Variants in ZNF880 observed in about 807,000 individuals in gnomAD.
ZNF880 encodes zinc finger protein 880.
In ZNF880, 12 loss-of-function variants were observed where a neutral mutation model predicts 11.8. The observed-to-expected ratio is 1.02, with a 90% CI of 0.65 to 1.65. The LOEUF is 1.65. Ranked by LOEUF, ZNF880 falls within the 40% of genes most tolerant of loss-of-function variation. ZNF880 has a pLI of 0.00. For missense variants in ZNF880, 601 were observed against 673.9 expected, an observed-to-expected ratio of 0.89 and a Z score of 1.20; for synonymous variants, 210 against 232.4, an observed-to-expected ratio of 0.90 and a Z score of 0.88.
intron 3 of ZNF880, among the ~76,000 whole-genome samples, chr19:52,376,287 G>A (rs1986547997): frequency 1.3e-5 from 2 of 152,026 alleles, no homozygotes; most frequent in South Asian, 4.1e-4. Flanking sequence ...CACCAGCAGT[G>A]TAAAGTGGTC....
At position 52,385,373 on chromosome 19, in the gene ZNF880, A is replaced by G; in HGVS notation, c.*59A>G. 6.7e-7 allele frequency: 1 copy of G among 1,503,408 alleles called. No homozygotes were observed. The highest frequency in any genetic ancestry group is 9.0e-7 in the Non-Finnish European group (1 of 1,115,102). 93.1% of individuals were successfully genotyped at this position (1,503,408 alleles called of 1,614,324 possible). On this transcript the variant is annotated 3_prime_UTR_variant, in exon 4 of 4. Coordinates refer to ENST00000422689, the MANE Select transcript of ZNF880 (RefSeq NM_001145434.2). ...CACCTTGCACAGCATGAGATAATTC[A>G]TTCATGAGAGAGTTCTTACAAACTG...
At chr19:52,374,606 G>A in intron 3 of ZNF880, 179 bp downstream of exon 3, 1 of 826,498 alleles carries the variant, frequency 1.2e-6, no homozygotes, top group South Asian at 1.4e-5. Context: ...GAAAGTGGTG[G>A]GATTACAAGC....
Position 52,374,292 on chromosome 19 carries a change from T to G in ZNF880, c.140-7T>G. 2 of 1,611,566 alleles carry G rather than the reference T, an allele frequency of 1.2e-6. No individual in the cohort carries two copies. The highest frequency in any genetic ancestry group is 1.7e-4 in the Middle Eastern group (1 of 6,050). On this transcript the variant is annotated splice_polypyrimidine_tract_variant and splice_region_variant and intron_variant, in intron 2 of 3. Coordinates refer to ENST00000422689, the MANE Select transcript of ZNF880 (RefSeq NM_001145434.2). Reference sequence around the variant, plus strand: ...ATAGTCTTGATATTCTTTCTTTTTTTAAATAGGAATCTGTCTTCCTGACCT... The same window carrying G: ...ATAGTCTTGATATTCTTTCTTTTTTGAAATAGGAATCTGTCTTCCTGACCT...
intron 3 of ZNF880, among the ~76,000 whole-genome samples, chr19:52,378,832 C>G (rs1986628626): frequency 6.6e-6 from 1 of 151,892 alleles, no homozygotes; most frequent in Admixed American, 6.6e-5. Flanking sequence ...AATCCTAGCA[C>G]TTTGGGAGGC....
intron 1 of ZNF880, among the ~76,000 whole-genome samples, chr19:52,372,217 G>A (rs191601964): frequency 1.4e-3 from 209 of 151,554 alleles, no homozygotes; most frequent in African/African-American, 4.6e-3. Flanking sequence ...TGTATCTGAC[G>A]CTTCTATAGA....
At position 52,374,389 on chromosome 19, in the gene ZNF880, A is replaced by G; in HGVS notation, c.230A>G (p.Asn77Ser). The G allele has an allele frequency of 3.1e-6, 5 of 1,613,274 alleles. No homozygotes were observed. The highest frequency in any genetic ancestry group is 4.5e-5 in the East Asian group (2 of 44,876). The change falls in exon 3 of 4, where the codon AAT becomes AGT. Residue 77 changes from asparagine (N) to serine (S), a missense_variant. Transcript: ENST00000422689. ...CAGAGTGAAGTGAAAATAGCAAACA[A>G]TCCAGGTGGCAGGGAGTGCATCAAA... ...NLQSEVKIAN[N>S]PGGRECIKGV... is the part of the protein sequence containing the mutation.
intron 1 of ZNF880, chr19:52,370,231 A>T: frequency 1.8e-6 from 1 of 553,168 alleles, no homozygotes; most frequent in East Asian, 3.1e-5. Context: ...CCTGCTTCAA[A>T]TCCTTCAGTG....
downstream of ZNF880, among the ~76,000 whole-genome samples, chr19:52,386,670 T>A (rs904815528): frequency 7.1e-6 from 1 of 141,034 alleles, no homozygotes; most frequent in African/African-American, 2.8e-5. Context: ...AGCGTGGTGG[T>A]AGATGCTTGT....
At chr19:52,388,211 G>T (rs17780037), downstream of ZNF880, among the ~76,000 whole-genome samples, 1 of 142,080 alleles carries the variant, frequency 7.0e-6, no homozygotes, top group Non-Finnish European at 1.5e-5. Context: ...TAGAATGGGA[G>T]TTTTTTTTGC....
intron 3 of ZNF880, among the ~76,000 whole-genome samples, chr19:52,376,777 T>C (rs1287865619): frequency 1.3e-5 from 2 of 152,182 alleles, no homozygotes; most frequent in East Asian, 3.8e-4. Context: ...CCCAAAATGC[T>C]GGGATTATAG....
intron 1 of ZNF880, among the ~76,000 whole-genome samples, chr19:52,372,800 C>T (rs948316932): frequency 2.0e-5 from 3 of 148,236 alleles, no homozygotes; most frequent in Admixed American, 6.7e-5. Context: ...GTCCCAGCTA[C>T]TCGGGAGGCT....
At chr19:52,387,531 C>T (rs570095484), downstream of ZNF880, among the ~76,000 whole-genome samples, 40 of 140,752 alleles carry the variant, frequency 2.8e-4, 3 homozygotes, top group Non-Finnish European at 4.9e-4. Context: ...TCACTGCAAC[C>T]TCTGCCTCCC....
intron 3 of ZNF880, chr19:52,380,009 T>C (rs1433283548): frequency 2.0e-5 from 3 of 152,196 alleles, no homozygotes; most frequent in Non-Finnish European, 2.9e-5. Flanking sequence ...GTGATTCTTG[T>C]ACCTCAGCCT....
At chr19:52,375,773 A>G (rs1354305163) in intron 3 of ZNF880, among the ~76,000 whole-genome samples, 3 of 151,814 alleles carry the variant, frequency 2.0e-5, no homozygotes, top group East Asian at 1.9e-4. Context: ...TTGGGCTCAT[A>G]TGATCATCTT....
chr19:52,378,161 C>T (rs1986607395), intron 3 of ZNF880, among the ~76,000 whole-genome samples: 1 of 152,176 alleles, frequency 6.6e-6, no homozygotes, highest in Non-Finnish European at 1.5e-5. Flanking sequence ...TCCTATCACC[C>T]AGAACATTCC....
downstream of ZNF880, chr19:52,385,843 C>G (rs895719181): frequency 6.8e-6 from 1 of 148,044 alleles, no homozygotes; most frequent in African/African-American, 2.7e-5. Context: ...GAAATCACTT[C>G]ATGTGACTTC....
At chr19:52,380,211 G>T (rs1053232206) in intron 3 of ZNF880, 2 of 151,960 alleles carry the variant, frequency 1.3e-5, no homozygotes, top group African/African-American at 4.8e-5. Flanking sequence ...ATACTTCTTT[G>T]CACCATTATA....
At chr19:52,390,430 T>C, downstream of ZNF880, 1 of 330,240 alleles carries the variant, frequency 3.0e-6, no homozygotes, top group Non-Finnish European at 6.2e-6. Flanking sequence ...TCGGGGGCCC[T>C]TCTGCTCCCC....
chr19:52,370,260 C>A, intron 1 of ZNF880: 1 of 470,804 alleles, frequency 2.1e-6, no homozygotes, highest in Non-Finnish European at 3.9e-6. Context: ...ACACGGCCCG[C>A]GCTGCGTAAA....
Sources: gnomAD v4.1 joint callset for allele counts (sites outside exome capture counted in the v4.1 genomes callset) on GRCh38, gnomAD v4.1.1 for gene constraint, MANE v1.5 for transcripts, NCBI Gene and HGNC (gene_info 2026-07-23, HGNC 2026-07-21) for gene names.